The following OLAH variants were observed in gnomAD, a reference collection of about 807,000 sequenced individuals.
The protein encoded by OLAH is oleoyl-ACP hydrolase.
In OLAH, 33 loss-of-function variants were observed where a neutral mutation model predicts 27.8. The ratio of observed to expected loss-of-function variants is 1.19; its 90% CI spans 0.90 to 1.59. The LOEUF is 1.59. OLAH is among the 40% of genes most tolerant of loss of function. The pLI, the probability that OLAH is intolerant of heterozygous loss-of-function variation, is 0.00. For missense variants in OLAH, 359 were observed against 310.8 expected (o/e 1.16, Z -1.17); for synonymous variants, 120 against 102.9 (o/e 1.17, Z -1.01).
intron 1 of OLAH, among the ~76,000 whole-genome samples, chr10:15,037,065 C>T (rs1028336715): frequency 2.0e-5 from 3 of 151,382 alleles, no homozygotes; most frequent in Non-Finnish European, 2.9e-5. Flanking sequence ...GGAGACAGAG[C>T]GAGACTGTGT....
upstream of OLAH, among the ~76,000 whole-genome samples, chr10:15,042,929 C>T (rs1258641729): frequency 7.6e-6 from 1 of 131,978 alleles, no homozygotes; most frequent in Non-Finnish European, 1.5e-5. Flanking sequence ...GGCGTGATCT[C>T]CGCTCACTGC....
rs1227998376 is a variant in OLAH, at chr10:15,033,630, T to G, written c.-164+1280T>G. The stretch of plus-strand genomic sequence containing the variant: ...ACGGAAGTCTATTGGCTCACAGTTT[T>G]GAAGGCTGGGAAGTCCAGTATGAAG... On this transcript the variant is annotated intron_variant, in intron 1 of 3. Transcript: ENST00000413672. Among the ~76,000 whole-genome samples the G allele has an allele frequency of 2.6e-5, 4 of 152,174 alleles. No individual in the cohort carries two copies. In the East Asian group the frequency reaches 7.7e-4, roughly 29 times the overall value.
intron 3 of OLAH, among the ~76,000 whole-genome samples, chr10:15,058,234 G>A (rs1844284297): frequency 6.6e-6 from 1 of 152,120 alleles, no homozygotes; most frequent in South Asian, 2.1e-4. Flanking sequence ...CTATAGGAAT[G>A]TGCCACCATG....
chr10:15,053,662 G>T (rs1284246692), intron 3 of OLAH, among the ~76,000 whole-genome samples: 1 of 151,886 alleles, frequency 6.6e-6, no homozygotes, highest in East Asian at 1.9e-4. Flanking sequence ...CATCCACTTA[G>T]CCCTCTTCCA....
chr10:15,055,771 C>G (rs1844233337), intron 3 of OLAH, among the ~76,000 whole-genome samples: 1 of 152,036 alleles, frequency 6.6e-6, no homozygotes, highest in South Asian at 2.1e-4. Flanking sequence ...TAATTGAAGT[C>G]TCCCTCTCCA....
intron 3 of OLAH, among the ~76,000 whole-genome samples, chr10:15,058,006 T>C (rs1465685872): frequency 1.3e-5 from 2 of 152,252 alleles, no homozygotes; most frequent in East Asian, 3.8e-4. Flanking sequence ...TTAAGTCCTT[T>C]GCATTTCCAT....
At chr10:15,071,383 A>G in intron 6 of OLAH, 2 of 295,956 alleles carry the variant, frequency 6.8e-6, no homozygotes, top group Non-Finnish European at 1.0e-5. Context: ...TGTCTAGTGC[A>G]GCACTGAGCC....
At chr10:15,058,284 G>T (rs981931449) in intron 3 of OLAH, among the ~76,000 whole-genome samples, 1 of 151,892 alleles carries the variant, frequency 6.6e-6, no homozygotes, top group Non-Finnish European at 1.5e-5. Flanking sequence ...GTGCACATGG[G>T]GTCTCCCTAT....
chr10:15,058,773 T>C (rs1399159061), intron 3 of OLAH, among the ~76,000 whole-genome samples: 1 of 152,226 alleles, frequency 6.6e-6, no homozygotes, highest in Non-Finnish European at 1.5e-5. Flanking sequence ...CTGCTGGCAT[T>C]GAATTCTCGT....
upstream of OLAH, among the ~76,000 whole-genome samples, chr10:15,040,728 T>G (rs1392612364): frequency 6.6e-6 from 1 of 152,174 alleles, no homozygotes; most frequent in Non-Finnish European, 1.5e-5. Flanking sequence ...CATTCTTGCA[T>G]GGTAGGAAGC....
At chr10:15,035,378 G>A (rs900855046) in intron 1 of OLAH, among the ~76,000 whole-genome samples, 4 of 152,188 alleles carry the variant, frequency 2.6e-5, no homozygotes, top group Non-Finnish European at 5.9e-5. Flanking sequence ...AGTCTATACA[G>A]AAAGGGTAGC....
chr10:15,033,410 AAG>A (rs1843789636), intron 1 of OLAH, among the ~76,000 whole-genome samples: 1 of 152,130 alleles, frequency 6.6e-6, no homozygotes, highest in Non-Finnish European at 1.5e-5. Flanking sequence ...TATATATAGT[AAG>A]AGAGTGCAAG....
In OLAH at chr10:15,061,929, A is replaced by G. The variant is rs1244689239; in HGVS notation, c.302+67A>G. 11 of 1,495,262 alleles carry G rather than the reference A, an allele frequency of 7.4e-6. No homozygotes were observed. In the East Asian group the frequency reaches 2.5e-4, roughly 34 times the overall value. The allele number at this position is 1,495,262 out of a possible 1,614,324, so 92.6% of individuals were successfully genotyped here. ...CTATCTGAAGTTTGAGGTTAATGTT[A>G]TTCTTTGTGTTTTGTAAGATGCATA... is the stretch of plus-strand genomic sequence containing the variant. On this transcript the variant is annotated intron_variant, in intron 4 of 7. Coordinates refer to ENST00000378228, the MANE Select transcript of OLAH (RefSeq NM_001039702.3).
At chr10:15,057,964 T>C (rs1376118487) in intron 3 of OLAH, among the ~76,000 whole-genome samples, 1 of 152,222 alleles carries the variant, frequency 6.6e-6, no homozygotes, top group Non-Finnish European at 1.5e-5. Context: ...TCTCCAACTT[T>C]GTTCTTCTTT....
upstream of OLAH, among the ~76,000 whole-genome samples, chr10:15,039,124 G>C (rs1271340666): frequency 1.3e-5 from 2 of 152,100 alleles, no homozygotes; most frequent in African/African-American, 4.8e-5. Context: ...TACTCGGGAG[G>C]CTGAGGTGGG....
chr10:15,072,141 C>T (rs1432788775), intron 7 of OLAH, among the ~76,000 whole-genome samples: 1 of 152,108 alleles, frequency 6.6e-6, no homozygotes, highest in African/African-American at 2.4e-5. Flanking sequence ...ACCATGTTGG[C>T]CAGGCTGGCC....
chr10:15,057,495 C>T (rs907689671), intron 3 of OLAH, among the ~76,000 whole-genome samples: 1 of 147,274 alleles, frequency 6.8e-6, no homozygotes. Context: ...AAGCGATTCT[C>T]TTGCCACAGC....
At chr10:15,033,066 G>A (rs1257986637) in intron 1 of OLAH, among the ~76,000 whole-genome samples, 6 of 151,046 alleles carry the variant, frequency 4.0e-5, no homozygotes, top group Non-Finnish European at 7.4e-5. Flanking sequence ...AAGTAGAGAT[G>A]GGGTTTCACC....
intron 1 of OLAH, 48 bp downstream of exon 1, chr10:15,044,034 T>G (rs1843968956): frequency 1.3e-5 from 2 of 152,314 alleles, no homozygotes; most frequent in South Asian, 2.1e-4. Context: ...GAGTAATACC[T>G]TCTCAGATAT....
Sources: allele counts gnomAD v4.1 joint callset (sites outside exome capture counted in the v4.1 genomes callset), GRCh38; gene constraint gnomAD v4.1.1; transcripts MANE v1.5; gene names NCBI Gene and HGNC (gene_info 2026-07-23, HGNC 2026-07-21).